Variants in MEIOC observed in about 807,000 individuals in gnomAD.
The protein encoded by MEIOC is meiosis-specific coiled-coil domain-containing protein MEIOC.
MEIOC carries 9 observed loss-of-function variants against 85.3 expected under a neutral mutation model. That is an observed-to-expected ratio of 0.11 (90% CI 0.06 to 0.18). MEIOC has a LOEUF of 0.18. MEIOC is among the 10% of genes least tolerant of loss of function. The pLI is 1.00. For synonymous variants in MEIOC, 365 were observed against 393.7 expected, an observed-to-expected ratio of 0.93 and a Z score of 0.86; for missense variants, 898 against 1,129.4, an observed-to-expected ratio of 0.80 and a Z score of 2.94.
rs147259416 is a variant in MEIOC, at chr17:44,668,128, A to G, written c.2217A>G (p.Gly739=). 110 of 1,613,910 alleles carry G rather than the reference A, an allele frequency of 6.8e-5. No homozygotes were observed. The African/African-American group carries it at 1.2e-3, about 18-fold the overall frequency. Residue 739 remains glycine (G), a synonymous_variant, in exon 5 of 8, where the codon GGA becomes GGG. Coordinates refer to ENST00000409122, the MANE Select transcript of MEIOC (RefSeq NM_001145080.3). ...NSFSGLMPTF[G]FQRPIKTRSG... ...TTTCTGGTCTCATGCCAACTTTTGG[A>G]TTTCAAAGACCAATTAAAACCCGTA...
intron 6 of MEIOC, 52 bp downstream of exon 6, chr17:44,669,569 T>A: frequency 1.9e-6 from 3 of 1,540,696 alleles, no homozygotes; most frequent in Non-Finnish European, 1.8e-6. Context: ...AAATTTTTTT[T>A]AAGTTTCAGG....
Position 44,662,460 on chromosome 17 carries a change from T to C in MEIOC, c.348T>C (p.Ser116=). 1 of 1,530,732 alleles carries C rather than the reference T, an allele frequency of 6.5e-7. No homozygotes were observed. Among genetic ancestry groups the C allele is most frequent in the Non-Finnish European group, 8.8e-7 (1 of 1,137,448 alleles). The allele number at this position is 1,530,732 out of a possible 1,614,324, so 94.8% of individuals were successfully genotyped here. ...DIKQPSNSQI[S]IKNRIQTERN... Reference sequence around the variant, plus strand: ...AACAACCTTCTAATTCTCAGATCAGTATAAAGAACAGGTAAATTAATTCAT... The same window carrying C: ...AACAACCTTCTAATTCTCAGATCAGCATAAAGAACAGGTAAATTAATTCAT... The change falls in exon 3 of 8, where the codon AGT becomes AGC. Residue 116 remains serine, a synonymous_variant. Coordinates refer to ENST00000409122, the MANE Select transcript of MEIOC (RefSeq NM_001145080.3).
chr17:44,657,063 C>T (rs1171874899), intron 1 of MEIOC, 64 bp from the exon 2 acceptor site: 7 of 1,505,672 alleles, frequency 4.6e-6, no homozygotes, highest in African/African-American at 1.4e-5. Flanking sequence ...GGTGTCGGGC[C>T]GTTTCAGCTC....
At chr17:44,665,919 T>C (rs542603678) in intron 4 of MEIOC, among the ~76,000 whole-genome samples, 1 of 152,296 alleles carries the variant, frequency 6.6e-6, no homozygotes, top group Admixed American at 6.5e-5. Context: ...TACCCAAATA[T>C]ACTATTTCAT....
intron 1 of MEIOC, 77 bp from the exon 2 acceptor site, chr17:44,657,050 A>G: frequency 6.8e-7 from 1 of 1,469,814 alleles, no homozygotes; most frequent in Non-Finnish European, 9.1e-7. Flanking sequence ...CCGAGGTAGA[A>G]CAGGTGTCGG....
chr17:44,671,301 G>T (rs529184904), intron 6 of MEIOC: 1 of 151,772 alleles, frequency 6.6e-6, no homozygotes, highest in South Asian at 2.1e-4. Context: ...ATGACATACT[G>T]TGGATAGTGA....
chr17:44,668,713 T>G (rs1283933025), intron 5 of MEIOC, among the ~76,000 whole-genome samples: 9 of 152,212 alleles, frequency 5.9e-5, no homozygotes, highest in Non-Finnish European at 1.0e-4. Context: ...AGTGGGTTAC[T>G]TAAAAACTAA....
Position 44,673,318 on chromosome 17 carries a change from A to T in MEIOC, c.2458-48A>T, listed in dbSNP as rs184719616. On this transcript the variant is annotated intron_variant, in intron 6 of 7. Transcript: ENST00000409122. ...TTCACTGAAGATTTGTTTTTACTTA[A>T]GTTAATGGCAGGACATGTCTTATCA... 1.2e-4 allele frequency: 165 copies of T among 1,379,714 alleles called. No homozygotes were observed. In the African/African-American group the frequency reaches 2.1e-3, roughly 18 times the overall value. 85.5% of individuals were successfully genotyped at this position (1,379,714 alleles called of 1,614,324 possible).
At chr17:44,672,120 A>G (rs1212412111) in intron 6 of MEIOC, among the ~76,000 whole-genome samples, 1 of 152,044 alleles carries the variant, frequency 6.6e-6, no homozygotes, top group African/African-American at 2.4e-5. Context: ...AGCTGAGATT[A>G]CAGGTGTGTA....
At position 44,667,730 on chromosome 17, in the gene MEIOC, A is replaced by G; in HGVS notation, c.1819A>G (p.Asn607Asp). Residue 607 changes from asparagine (N) to aspartate (D), a missense_variant, in exon 5 of 8, where the codon AAT becomes GAT. This residue lies in a region of MEIOC where 734 missense variants were observed against 860.1 expected (regional missense o/e 0.85). Transcript: ENST00000409122. ...YGIIENVNKH[N>D]FQAKPQSGHY... ...GATAATTGAAAATGTAAACAAACAT[A>G]ATTTTCAAGCCAAGCCCCAGAGTGG... The G allele has an allele frequency of 2.5e-6, 4 of 1,613,784 alleles. No individual in the cohort carries two copies. The highest frequency in any genetic ancestry group is 3.4e-6 in the Non-Finnish European group (4 of 1,179,790).
intron 7 of MEIOC, 34 bp downstream of exon 7, chr17:44,673,580 C>T (rs1972038571): frequency 7.5e-6 from 11 of 1,461,094 alleles, no homozygotes; most frequent in Non-Finnish European, 1.0e-5. Flanking sequence ...TGTGATAAGT[C>T]AGTGTGATAA....
intron 6 of MEIOC, among the ~76,000 whole-genome samples, chr17:44,672,555 C>T (rs1972028558): frequency 6.6e-6 from 1 of 152,078 alleles, no homozygotes. Flanking sequence ...CAGTGAACAC[C>T]AAGTTCTGCT....
rs377365470 is a variant in MEIOC, at chr17:44,669,094, G to A, written c.2323-289G>A. ...GGCAGGCACCTGTAATCCCAGCTAC[G>A]CGGGAGGCTGAGGCAGGAGAATCGC... On this transcript the variant is annotated intron_variant, in intron 5 of 7. Transcript: ENST00000409122. 1.4e-4 allele frequency among the ~76,000 whole-genome samples: 21 copies of A among 151,922 alleles called. No homozygotes were observed. The East Asian group carries it at 2.5e-3, about 18-fold the overall frequency.
chr17:44,664,719 C>T (rs1270486736), intron 3 of MEIOC, among the ~76,000 whole-genome samples: 1 of 152,180 alleles, frequency 6.6e-6, no homozygotes, highest in Non-Finnish European at 1.5e-5. Flanking sequence ...AGGTACCAAT[C>T]TTCCACGTGC....
intron 2 of MEIOC, 117 bp downstream of exon 2, chr17:44,657,378 CTTTTTT>C (rs35032511): frequency 2.1e-3 from 632 of 295,224 alleles, no homozygotes; most frequent in Middle Eastern, 4.3e-3. Context: ...CCAGGGAAAA[CTTTTTT>C]TTTTTTTTTT....
At position 44,661,717 on chromosome 17, in the gene MEIOC, G is replaced by T. The variant is rs550880866; in HGVS notation, c.205-600G>T. On this transcript the variant is annotated intron_variant, in intron 2 of 7. Transcript: ENST00000409122. ...CAGGCGCCCATCACCACCACAGCTG[G>T]CTAATTTTTTGTATTTTTAGTAGAG... 2.6e-5 allele frequency among the ~76,000 whole-genome samples: 4 copies of T among 151,948 alleles called. 1 individual carries two copies. In the East Asian group the frequency reaches 7.7e-4, roughly 29 times the overall value.
chr17:44,657,535 T>G (rs900474096), intron 2 of MEIOC, among the ~76,000 whole-genome samples: 6 of 149,038 alleles, frequency 4.0e-5, no homozygotes, highest in Non-Finnish European at 7.4e-5. Flanking sequence ...CGCCCGGCTG[T>G]TTTTTTTGTT....
In MEIOC at chr17:44,667,753, T is replaced by G. The variant is rs755280708; in HGVS notation, c.1842T>G (p.Ser614Arg). ...ATAATTTTCAAGCCAAGCCCCAGAGTGGACATTATGATCCTGAGGAAGGTC... is the reference window on the plus strand; with the variant it reads ...ATAATTTTCAAGCCAAGCCCCAGAGGGGACATTATGATCCTGAGGAAGGTC... ...NKHNFQAKPQSGHYDPEEGPK... is the reference protein window; with the variant it reads ...NKHNFQAKPQRGHYDPEEGPK... The change falls in exon 5 of 8, where the codon AGT (serine) becomes AGG (arginine). Residue 614 changes from serine (S) to arginine (R), a missense_variant. Physicochemically the swap from Ser to Arg is moderately radical, Grantham distance 110. Around this residue, in one of 2 missense-constraint regions of MEIOC, gnomAD observed 734 missense variants for 860.1 expected, o/e 0.85. Coordinates refer to ENST00000409122, the MANE Select transcript of MEIOC (RefSeq NM_001145080.3). 4.3e-6 allele frequency: 7 copies of G among 1,613,810 alleles called. No homozygotes were observed. The South Asian group carries it at 7.7e-5, about 18-fold the overall frequency.
At chr17:44,661,745 A>G (rs983012728) in intron 2 of MEIOC, among the ~76,000 whole-genome samples, 2 of 151,884 alleles carry the variant, frequency 1.3e-5, no homozygotes, top group Admixed American at 6.6e-5. Context: ...TAGTAGAGAC[A>G]GGGTTTAGCC....
Sources: allele counts gnomAD v4.1 joint callset (sites outside exome capture counted in the v4.1 genomes callset), GRCh38; gene constraint gnomAD v4.1.1; regional missense constraint gnomAD v4.1.1; transcripts MANE v1.5; gene names NCBI Gene and HGNC (gene_info 2026-07-23, HGNC 2026-07-21).